Variants in CDH13 observed in about 807,000 individuals in gnomAD.
CDH13 encodes cadherin 13, also known as cadherin-13.
CDH13 carries 24 observed loss-of-function variants against 63.8 expected under a neutral mutation model. The ratio of observed to expected loss-of-function variants is 0.38; its 90% CI spans 0.27 to 0.53. The LOEUF (loss-of-function observed/expected upper bound fraction) is 0.53. CDH13 is among the 20% of genes least tolerant of loss of function. The probability of loss-of-function intolerance (pLI) is 0.85; values close to 1 mark genes in which losing one functional copy is unlikely to be tolerated. For synonymous variants in CDH13, 503 were observed against 355.3 expected, an observed-to-expected ratio of 1.42 and a Z score of -4.67; for missense variants, 1,049 against 903.1, an observed-to-expected ratio of 1.16 and a Z score of -2.07.
At chr16:83,439,241 C>A (rs2072414612) in intron 6 of CDH13, among the ~76,000 whole-genome samples, 1 of 152,148 alleles carries the variant, frequency 6.6e-6, no homozygotes, top group African/African-American at 2.4e-5. Context: ...ATTTACATAG[C>A]AATTACTCGT....
At chr16:83,473,826 T>A (rs1298028024) in intron 6 of CDH13, among the ~76,000 whole-genome samples, 1 of 152,096 alleles carries the variant, frequency 6.6e-6, no homozygotes, top group Non-Finnish European at 1.5e-5. Flanking sequence ...ATAACTGAGG[T>A]GATGGGCAAG....
chr16:83,671,628 G>T (rs935602955), intron 9 of CDH13, among the ~76,000 whole-genome samples: 1 of 152,162 alleles, frequency 6.6e-6, no homozygotes, highest in Admixed American at 6.5e-5. Flanking sequence ...GATGTGTGAA[G>T]GTGTTTTTAG....
intron 2 of CDH13, among the ~76,000 whole-genome samples, chr16:82,867,132 C>A (rs1440003138): frequency 6.6e-6 from 1 of 152,162 alleles, no homozygotes; most frequent in Non-Finnish European, 1.5e-5. Flanking sequence ...CTCTCATCTG[C>A]CCATTTTACA....
At chr16:82,727,987 C>T (rs180843277) in intron 1 of CDH13, among the ~76,000 whole-genome samples, 5 of 152,310 alleles carry the variant, frequency 3.3e-5, no homozygotes, top group East Asian at 1.9e-4. Flanking sequence ...ATCTTCCCTT[C>T]GTATCTCAGC....
intron 9 of CDH13, among the ~76,000 whole-genome samples, chr16:83,673,418 G>A (rs1243369585): frequency 1.3e-5 from 2 of 151,970 alleles, no homozygotes; most frequent in Non-Finnish European, 2.9e-5. Flanking sequence ...ACTTGGGGGT[G>A]ACTATTCTGA....
At chr16:83,293,018 A>G (rs1260525328) in intron 5 of CDH13, among the ~76,000 whole-genome samples, 1 of 152,206 alleles carries the variant, frequency 6.6e-6, no homozygotes, top group Admixed American at 6.5e-5. Context: ...TAAAGTTACT[A>G]AACAGATAGT....
chr16:83,753,665 A>C (rs1006599403), intron 11 of CDH13, among the ~76,000 whole-genome samples: 26 of 152,206 alleles, frequency 1.7e-4, no homozygotes, highest in African/African-American at 5.3e-4. Context: ...GATTTTTGGC[A>C]TATAACACTA....
chr16:83,602,938 A>T (rs1326816549), intron 8 of CDH13, among the ~76,000 whole-genome samples: 3 of 152,148 alleles, frequency 2.0e-5, no homozygotes, highest in Non-Finnish European at 2.9e-5. Flanking sequence ...AACAATAACT[A>T]TTTTTTTCCA....
chr16:83,743,239 G>C (rs988731179), intron 10 of CDH13, among the ~76,000 whole-genome samples: 1 of 152,082 alleles, frequency 6.6e-6, no homozygotes, highest in Non-Finnish European at 1.5e-5. Context: ...AAACAGAGGG[G>C]AGCAGAAAGA....
At chr16:83,548,511 C>T (rs1320927018) in intron 7 of CDH13, among the ~76,000 whole-genome samples, 2 of 152,174 alleles carry the variant, frequency 1.3e-5, no homozygotes, top group East Asian at 1.9e-4. Context: ...ATCAGAGATG[C>T]AGTGTCAGAG....
At chr16:82,770,715 CT>C (rs1219496985) in intron 1 of CDH13, among the ~76,000 whole-genome samples, 3 of 152,002 alleles carry the variant, frequency 2.0e-5, no homozygotes, top group African/African-American at 7.3e-5. Flanking sequence ...TCTATATTTC[CT>C]TTTTTTCTGG....
chr16:83,294,063 C>T (rs1053378165), intron 5 of CDH13, among the ~76,000 whole-genome samples: 2 of 152,154 alleles, frequency 1.3e-5, no homozygotes, highest in Non-Finnish European at 2.9e-5. Flanking sequence ...GATTATCTGA[C>T]TTCTGTTTAT....
intron 8 of CDH13, 132 bp downstream of exon 8, chr16:83,602,726 T>C (rs889478425): frequency 9.7e-6 from 9 of 928,274 alleles, no homozygotes; most frequent in South Asian, 1.5e-5. Flanking sequence ...GGAGAGACGA[T>C]GGTGTTTTGC....
chr16:83,380,382 C>T (rs1350176136), intron 6 of CDH13, among the ~76,000 whole-genome samples: 1 of 152,134 alleles, frequency 6.6e-6, no homozygotes, highest in African/African-American at 2.4e-5. Context: ...TCATTGGTTG[C>T]TGACTGTCAG....
chr16:83,627,277 G>A (rs1377782488), intron 8 of CDH13, among the ~76,000 whole-genome samples: 1 of 152,070 alleles, frequency 6.6e-6, no homozygotes, highest in Non-Finnish European at 1.5e-5. Context: ...GCAACAGAGT[G>A]AGACTCCGTC....
intron 2 of CDH13, among the ~76,000 whole-genome samples, chr16:82,875,214 C>G (rs139656955): frequency 6.6e-6 from 1 of 152,136 alleles, no homozygotes; most frequent in East Asian, 1.9e-4. Flanking sequence ...ACTCAGACTT[C>G]TTGTTTTCAT....
At chr16:83,660,534 C>A (rs543271788) in intron 8 of CDH13, among the ~76,000 whole-genome samples, 1 of 152,190 alleles carries the variant, frequency 6.6e-6, no homozygotes, top group Non-Finnish European at 1.5e-5. Flanking sequence ...CCACAGCTCA[C>A]CTCCTTCTGT....
At chr16:83,075,702 G>T (rs1247545232) in intron 3 of CDH13, among the ~76,000 whole-genome samples, 1 of 152,174 alleles carries the variant, frequency 6.6e-6, no homozygotes, top group Non-Finnish European at 1.5e-5. Context: ...ATTTTAGATT[G>T]TTTGAGTTTT....
intron 6 of CDH13, among the ~76,000 whole-genome samples, chr16:83,357,240 A>G (rs977215299): frequency 3.9e-5 from 6 of 152,014 alleles, no homozygotes; most frequent in Non-Finnish European, 8.8e-5. Flanking sequence ...TTTACCCTCT[A>G]TCTAGCTGAA....
Sources: gnomAD v4.1 joint callset for allele counts (sites outside exome capture counted in the v4.1 genomes callset) on GRCh38, gnomAD v4.1.1 for gene constraint, MANE v1.5 for transcripts, NCBI Gene and HGNC (gene_info 2026-07-23, HGNC 2026-07-21) for gene names.